BCAR3: variants seen among roughly 807,000 people sequenced by gnomAD.
BCAR3 encodes breast cancer anti-estrogen resistance protein 3.
Under a neutral mutation model 80.1 loss-of-function variants are expected in BCAR3, and 37 were observed. That is an observed-to-expected ratio of 0.46 (90% CI 0.36 to 0.61). The LOEUF (loss-of-function observed/expected upper bound fraction) is 0.61. Among genes scored for constraint, BCAR3 ranks in the 20% least tolerant of loss-of-function variants. The pLI, the probability that BCAR3 is intolerant of heterozygous loss-of-function variation, is 0.00. For missense variants in BCAR3, 978 were observed against 1,068.2 expected, an observed-to-expected ratio of 0.92 and a Z score of 1.18; for synonymous variants, 389 against 418.9, an observed-to-expected ratio of 0.93 and a Z score of 0.87.
intron 2 of BCAR3, among the ~76,000 whole-genome samples, chr1:93,767,569 T>C (rs959949309): frequency 6.6e-6 from 1 of 151,444 alleles, no homozygotes. Context: ...TCAAACCACA[T>C]AAATGTATTA....
chr1:93,595,125 A>G (rs1166320576), intron 3 of BCAR3, among the ~76,000 whole-genome samples: 1 of 152,168 alleles, frequency 6.6e-6, no homozygotes, highest in African/African-American at 2.4e-5. Context: ...ACAGGGTACT[A>G]TAGGAGGTAG....
intron 2 of BCAR3, among the ~76,000 whole-genome samples, chr1:93,780,696 T>C (rs552783130): frequency 6.6e-6 from 1 of 152,316 alleles, no homozygotes; most frequent in South Asian, 2.1e-4. Flanking sequence ...TTAAAATCTT[T>C]TTTGATCTGG....
At chr1:93,580,934 G>A (rs948615483) in intron 7 of BCAR3, among the ~76,000 whole-genome samples, 1 of 152,180 alleles carries the variant, frequency 6.6e-6, no homozygotes, top group African/African-American at 2.4e-5. Flanking sequence ...GCCAAGGCAG[G>A]CAGATCACTT....
chr1:93,622,610 G>A (rs114595001), intron 3 of BCAR3, among the ~76,000 whole-genome samples: 2,979 of 152,268 alleles, frequency 0.02, 115 homozygotes, highest in African/African-American at 0.068. Flanking sequence ...TGCACAAGAA[G>A]GGCTAAGGGA....
chr1:93,562,506 A>C, intron 11 of BCAR3, 87 bp from the exon 12 acceptor site: 94 of 1,292,586 alleles, frequency 7.3e-5, no homozygotes, highest in Non-Finnish European at 9.4e-5. Flanking sequence ...GCGGTGGCTC[A>C]CGCCTGTAAT....
At chr1:93,722,863 GC>G (rs1650451440) in intron 2 of BCAR3, among the ~76,000 whole-genome samples, 1 of 152,162 alleles carries the variant, frequency 6.6e-6, no homozygotes, top group Admixed American at 6.5e-5. Flanking sequence ...ACACACAAGA[GC>G]GACAGGATTA....
At chr1:93,824,151 C>CCA (rs1390177697) in intron 2 of BCAR3, among the ~76,000 whole-genome samples, 1 of 134,078 alleles carries the variant, frequency 7.5e-6, no homozygotes, top group Non-Finnish European at 1.7e-5. Flanking sequence ...GAACCCTCAG[C>CCA]CACTACCCCA....
chr1:93,831,602 T>G (rs1387770699), intron 2 of BCAR3, among the ~76,000 whole-genome samples: 1 of 152,132 alleles, frequency 6.6e-6, no homozygotes, highest in African/African-American at 2.4e-5. Context: ...CAAATCTTTC[T>G]TCTTTCTCTC....
chr1:93,567,521 T>C (rs775046969), intron 10 of BCAR3, 30 bp from the exon 11 acceptor site: 14 of 1,606,236 alleles, frequency 8.7e-6, no homozygotes, highest in Admixed American at 3.4e-5. Context: ...GTTTTCCATA[T>C]CACATGTTTT....
intron 3 of BCAR3, among the ~76,000 whole-genome samples, chr1:93,690,613 A>T (rs1489848046): frequency 6.6e-6 from 1 of 152,246 alleles, no homozygotes; most frequent in East Asian, 1.9e-4. Context: ...AGAATCAGAC[A>T]CATCTGCATT....
At chr1:93,723,431 T>C (rs887085437) in intron 2 of BCAR3, 11 of 152,566 alleles carry the variant, frequency 7.2e-5, no homozygotes, top group African/African-American at 2.4e-4. Flanking sequence ...CTTTTGCTGA[T>C]GACTGTAGCT....
chr1:93,594,242 A>C (rs1463629973), intron 3 of BCAR3: 1 of 152,242 alleles, frequency 6.6e-6, no homozygotes, highest in Non-Finnish European at 1.5e-5. Flanking sequence ...CCCTAGGATG[A>C]GAAAAGATGC....
chr1:93,626,985 A>G (rs1286732286), intron 3 of BCAR3, among the ~76,000 whole-genome samples: 2 of 152,224 alleles, frequency 1.3e-5, no homozygotes, highest in Non-Finnish European at 2.9e-5. Flanking sequence ...AAAAACGAAC[A>G]AAGTGAGCCT....
At chr1:93,797,108 A>G (rs1219226232) in intron 2 of BCAR3, among the ~76,000 whole-genome samples, 1 of 152,208 alleles carries the variant, frequency 6.6e-6, no homozygotes, top group Non-Finnish European at 1.5e-5. Context: ...CACGTTTTAG[A>G]GGCCACTTCT....
intron 1 of BCAR3, among the ~76,000 whole-genome samples, chr1:93,677,867 A>C (rs1389029177): frequency 2.0e-5 from 3 of 152,210 alleles, no homozygotes; most frequent in African/African-American, 2.4e-5. Flanking sequence ...CATCAACATA[A>C]AGGCAATATT....
intron 2 of BCAR3, among the ~76,000 whole-genome samples, chr1:93,670,927 T>G (rs1250342201): frequency 6.6e-6 from 1 of 152,150 alleles, no homozygotes; most frequent in Non-Finnish European, 1.5e-5. Flanking sequence ...AAGAGGAGAC[T>G]TCCTCTGCTT....
chr1:93,757,279 C>T (rs994658626), intron 2 of BCAR3, among the ~76,000 whole-genome samples: 5 of 152,216 alleles, frequency 3.3e-5, no homozygotes, highest in Admixed American at 6.5e-5. Flanking sequence ...TACCTGATGA[C>T]CTCTCTCCTC....
chr1:93,593,521 G>A (rs1015469189), intron 3 of BCAR3, among the ~76,000 whole-genome samples: 75 of 151,482 alleles, frequency 5.0e-4, no homozygotes, highest in African/African-American at 1.8e-3. Flanking sequence ...ACAGGCACGT[G>A]CCACCATGCC....
chr1:93,583,913 G>A (rs896557912), intron 6 of BCAR3, 105 bp downstream of exon 6: 3 of 1,102,314 alleles, frequency 2.7e-6, no homozygotes, highest in Admixed American at 4.0e-5. Flanking sequence ...GCAGGCCTGA[G>A]GCCTTGTGTC....
Sources: allele counts gnomAD v4.1 joint callset (sites outside exome capture counted in the v4.1 genomes callset), GRCh38; gene constraint gnomAD v4.1.1; transcripts MANE v1.5; gene names NCBI Gene and HGNC (gene_info 2026-07-23, HGNC 2026-07-21).